GULP1: variants seen among roughly 807,000 people sequenced by gnomAD.
GULP1 encodes the protein PTB domain-containing engulfment adapter protein 1.
GULP1 carries 19 observed loss-of-function variants against 40.9 expected under a neutral mutation model. That is an observed-to-expected ratio of 0.46 (90% confidence interval 0.32 to 0.68). The LOEUF is 0.68. Among genes scored for constraint, GULP1 ranks in the 30% least tolerant of loss-of-function variants. The pLI is 0.03. For synonymous variants in GULP1, 119 were observed against 117.6 expected (o/e 1.01, Z -0.08); for missense variants, 312 against 362.2 (o/e 0.86, Z 1.12).
intron 7 of GULP1, among the ~76,000 whole-genome samples, chr2:188,545,237 A>G (rs1489154223): frequency 3.3e-5 from 5 of 151,898 alleles, no homozygotes; most frequent in African/African-American, 1.2e-4. Context: ...GGCTAAAGGA[A>G]GTTCTCTAAA....
At chr2:188,307,584 A>G (rs2037324391) in intron 1 of GULP1, among the ~76,000 whole-genome samples, 3 of 152,200 alleles carry the variant, frequency 2.0e-5, no homozygotes, top group Admixed American at 1.3e-4. Context: ...ATAGTTTTCA[A>G]TTATATAATT....
At chr2:188,565,977 T>A (rs1015769501) in intron 7 of GULP1, among the ~76,000 whole-genome samples, 1 of 152,156 alleles carries the variant, frequency 6.6e-6, no homozygotes, top group African/African-American at 2.4e-5. Context: ...AAAACTGATT[T>A]ATAATGATAA....
chr2:188,309,330 G>A (rs766375152), intron 1 of GULP1, among the ~76,000 whole-genome samples: 30 of 152,062 alleles, frequency 2.0e-4, no homozygotes, highest in Admixed American at 1.6e-3. Context: ...GCCTGGCATG[G>A]GGATGTGCAC....
Position 188,466,885 on chromosome 2 carries a change from A to G in GULP1, c.-44-10774A>G, listed in dbSNP as rs76395006. 3.8e-3 allele frequency among the ~76,000 whole-genome samples: 583 copies of G among 152,298 alleles called. 3 individuals are homozygous for G. Among genetic ancestry groups the G allele is most frequent in the Admixed American group, 6.6e-3 (101 of 15,300 alleles). On this transcript the variant is annotated intron_variant, in intron 2 of 11. Coordinates refer to ENST00000409830, the MANE Select transcript of GULP1 (RefSeq NM_016315.4). ...GCTATACTAATAAGGAAAGGCTTCAAAACAAAAGTCTTGAATTCTGCCTTT... is the reference window on the plus strand; with the variant it reads ...GCTATACTAATAAGGAAAGGCTTCAGAACAAAAGTCTTGAATTCTGCCTTT...
intron 1 of GULP1, among the ~76,000 whole-genome samples, chr2:188,357,958 C>T (rs2045574495): frequency 6.6e-6 from 1 of 152,122 alleles, no homozygotes. Context: ...GCAGGTGGAT[C>T]ACTTGAGGCC....
chr2:188,495,577 T>C (rs2062821305), intron 4 of GULP1, among the ~76,000 whole-genome samples: 1 of 152,080 alleles, frequency 6.6e-6, no homozygotes, highest in South Asian at 2.1e-4. Context: ...GGCTGTGTAC[T>C]ATAAGCAAAA....
chr2:188,547,492 C>A (rs1433886774), intron 7 of GULP1, among the ~76,000 whole-genome samples: 1 of 152,124 alleles, frequency 6.6e-6, no homozygotes, highest in Non-Finnish European at 1.5e-5. Context: ...GAAGTCCAAT[C>A]TTCAAGGGCA....
intron 4 of GULP1, among the ~76,000 whole-genome samples, chr2:188,515,422 T>C (rs2065069658): frequency 6.6e-6 from 1 of 152,188 alleles, no homozygotes; most frequent in African/African-American, 2.4e-5. Context: ...ACATGTTCTC[T>C]TCAGAATTCT....
chr2:188,560,537 C>T lies in GULP1; in HGVS notation c.400-8702C>T, dbSNP rs574195689. On this transcript the variant is annotated intron_variant, in intron 7 of 11. Transcript: ENST00000409830. ...TGCCTGTTACCCAGTTCCAAAGTCA[C>T]TTCCACATTTTCAGATAGTTTTATA... 2.6e-5 allele frequency among the ~76,000 whole-genome samples: 4 copies of T among 152,326 alleles called. No individual in the cohort carries two copies. The South Asian group carries it at 6.2e-4, about 24-fold the overall frequency.
chr2:188,355,746 A>G (rs1435878538), intron 1 of GULP1, among the ~76,000 whole-genome samples: 2 of 152,092 alleles, frequency 1.3e-5, no homozygotes, highest in African/African-American at 2.4e-5. Flanking sequence ...AATATCCCTG[A>G]TATTGAACAT....
chr2:188,556,493 G>A (rs972373377), intron 7 of GULP1, among the ~76,000 whole-genome samples: 6 of 151,914 alleles, frequency 3.9e-5, no homozygotes, highest in African/African-American at 1.5e-4. Flanking sequence ...GTATTTCACT[G>A]AGCTTCTTTC....
At chr2:188,592,307 C>G (rs1354403801) in intron 11 of GULP1, 1 of 151,970 alleles carries the variant, frequency 6.6e-6, no homozygotes, top group Admixed American at 6.6e-5. Flanking sequence ...AATGTATCAT[C>G]TATTTACCAT....
At chr2:188,562,682 T>C (rs997602625) in intron 7 of GULP1, among the ~76,000 whole-genome samples, 3 of 152,040 alleles carry the variant, frequency 2.0e-5, no homozygotes, top group Non-Finnish European at 4.4e-5. Context: ...CCCAATATCA[T>C]CCACCACTTT....
At chr2:188,383,231 A>G (rs1405074140) in intron 1 of GULP1, among the ~76,000 whole-genome samples, 3 of 152,262 alleles carry the variant, frequency 2.0e-5, no homozygotes, top group Non-Finnish European at 2.9e-5. Context: ...GAATAAAAAT[A>G]GAAAAGTCTT....
chr2:188,396,996 G>C (rs992336944), intron 2 of GULP1, among the ~76,000 whole-genome samples: 1 of 152,202 alleles, frequency 6.6e-6, no homozygotes, highest in Non-Finnish European at 1.5e-5. Flanking sequence ...TGCAGTAGGA[G>C]TGTATACCCT....
intron 1 of GULP1, among the ~76,000 whole-genome samples, chr2:188,315,936 G>A (rs1315921248): frequency 1.3e-5 from 2 of 152,028 alleles, no homozygotes; most frequent in Non-Finnish European, 2.9e-5. Context: ...CAGATTAAGG[G>A]AGGCTATTGT....
At chr2:188,370,626 C>T (rs986796368) in intron 1 of GULP1, among the ~76,000 whole-genome samples, 37 of 152,230 alleles carry the variant, frequency 2.4e-4, no homozygotes, top group African/African-American at 7.9e-4. Context: ...ATAATGTTGA[C>T]GTCTGTAAGT....
intron 4 of GULP1, among the ~76,000 whole-genome samples, chr2:188,489,357 G>A (rs910908881): frequency 2.6e-5 from 4 of 151,846 alleles, no homozygotes; most frequent in African/African-American, 9.7e-5. Context: ...TAGAAACCAG[G>A]GGAAATATAA....
chr2:188,580,569 T>G (rs1202280299), intron 9 of GULP1, among the ~76,000 whole-genome samples: 1 of 123,390 alleles, frequency 8.1e-6, no homozygotes, highest in Non-Finnish European at 1.7e-5. Context: ...AAAAAAAAAA[T>G]GGAGATCAAC....
Sources: allele counts gnomAD v4.1 joint callset (sites outside exome capture counted in the v4.1 genomes callset), GRCh38; gene constraint gnomAD v4.1.1; transcripts MANE v1.5; gene names NCBI Gene and HGNC (gene_info 2026-07-23, HGNC 2026-07-21).